Variants in MCAM observed in about 807,000 individuals in gnomAD.
MCAM encodes melanoma cell adhesion molecule.
In MCAM, 55 loss-of-function variants were observed where a neutral mutation model predicts 79.1. The ratio of observed to expected loss-of-function variants is 0.70; its 90% confidence interval spans 0.56 to 0.87. MCAM has a LOEUF of 0.87. Ranked by LOEUF, MCAM falls within the 40% of genes least tolerant of loss-of-function variation. The pLI is 0.00. For missense variants in MCAM, 745 were observed against 839.8 expected, an observed-to-expected ratio of 0.89 and a Z score of 1.40; for synonymous variants, 330 against 339.8, an observed-to-expected ratio of 0.97 and a Z score of 0.32.
chr11:119,314,017 G>T, intron 5 of MCAM: 2 of 982,328 alleles, frequency 2.0e-6, no homozygotes, highest in Non-Finnish European at 2.4e-6. Flanking sequence ...TTTCTGGGAG[G>T]GGGGGTCTCA....
Position 119,312,588 on chromosome 11 carries a change from C to G in MCAM, c.800G>C (p.Arg267Pro). 6.2e-7 allele frequency: 1 copy of G among 1,614,160 alleles called. No individual in the cohort carries two copies. Among genetic ancestry groups the G allele is most frequent in the Non-Finnish European group, 8.5e-7 (1 of 1,180,030 alleles). Residue 267 changes from arginine (R) to proline (P), a missense_variant, in exon 7 of 16, where the codon CGC (arginine) becomes CCC (proline). By Grantham distance (103) the Arg-to-Pro change is moderately radical. Transcript: ENST00000264036. The surrounding 1 kb of genome is among the most constrained non-coding windows in gnomAD (Gnocchi z 4.9). ...EPVGMLKEGD[R>P]VEIRCLADGN... ...ATCAGCCAAACACCTGATTTCCACG[C>G]GGTCCCCTTCCTTCAGCATTCCCAC...
At position 119,311,182 on chromosome 11, in the gene MCAM, T is replaced by C; in HGVS notation, c.1553A>G (p.Asn518Ser). 2.5e-6 allele frequency: 4 copies of C among 1,614,060 alleles called. No individual in the cohort carries two copies. The highest frequency in any genetic ancestry group is 3.4e-6 in the Non-Finnish European group (4 of 1,179,940). ...NTSILFLELV[N>S]LTTLTPDSNT... ...GGAGTCTGGTGTGAGGGTGGTTAAATTGACTAGGAGGCAGAGGGAGGGGTG... is the reference window on the plus strand; with the variant it reads ...GGAGTCTGGTGTGAGGGTGGTTAAACTGACTAGGAGGCAGAGGGAGGGGTG... The change falls in exon 13 of 16, where the codon AAT (asparagine) becomes AGT (serine). Residue 518 changes from asparagine to serine, a missense_variant. Coordinates refer to ENST00000264036, the MANE Select transcript of MCAM (RefSeq NM_006500.3). This position sits in a 1 kb window ranked among gnomAD's most constrained non-coding sequence, Gnocchi z 4.4.
At position 119,310,212 on chromosome 11, in the gene MCAM, G is replaced by A. The variant is rs1277561870; in HGVS notation, c.1911+137C>T. ...ACTTGCTTGGCCCTGCCATCTGTGAGTAGTGTTAAGAAGGCAAGATGGGGC... is the reference window on the plus strand; with the variant it reads ...ACTTGCTTGGCCCTGCCATCTGTGAATAGTGTTAAGAAGGCAAGATGGGGC... On this transcript the variant is annotated intron_variant, in intron 15 of 15. Coordinates refer to ENST00000264036, the MANE Select transcript of MCAM (RefSeq NM_006500.3). 9.9e-6 allele frequency: 7 copies of A among 704,920 alleles called. No individual in the cohort carries two copies. The Admixed American group carries it at 1.6e-4, about 16-fold the overall frequency. The allele number at this position is 704,920 out of a possible 1,614,324, so 43.7% of individuals were successfully genotyped here. A position where few individuals can be genotyped will look rare whatever the true frequency, so the allele number is the denominator to read the frequency against.
rs955181453 is a variant in MCAM, at chr11:119,311,720, C to G, written c.1286-69G>C. Reference sequence around the variant, plus strand: ...TGCCTCCCCCTCCGCACCAGAGCTCCCCAGGGCAGCAGGTGGCTTTTTGTC... The same window carrying G: ...TGCCTCCCCCTCCGCACCAGAGCTCGCCAGGGCAGCAGGTGGCTTTTTGTC... On this transcript the variant is annotated intron_variant, in intron 10 of 15. Transcript: ENST00000264036. This position sits in a 1 kb window ranked among gnomAD's most constrained non-coding sequence, Gnocchi z 4.4. 6.8e-6 allele frequency: 11 copies of G among 1,609,580 alleles called. No individual in the cohort carries two copies. Among genetic ancestry groups the G allele is most frequent in the Non-Finnish European group, 7.6e-6 (9 of 1,177,102 alleles).
At position 119,309,646 on chromosome 11, in the gene MCAM, T is replaced by C; in HGVS notation, c.*240A>G. 1.8e-6 allele frequency: 1 copy of C among 544,410 alleles called. No individual in the cohort carries two copies. Among genetic ancestry groups the C allele is most frequent in the Non-Finnish European group, 3.2e-6 (1 of 309,990 alleles). The allele number at this position is 544,410 out of a possible 1,614,324, so 33.7% of individuals were successfully genotyped here. On this transcript the variant is annotated 3_prime_UTR_variant, in exon 16 of 16. Coordinates refer to ENST00000264036, the MANE Select transcript of MCAM (RefSeq NM_006500.3). ...ACCCGCTCGGGAGACTGGGGCTCCT[T>C]GCTTGGGATGAGCTTCACTCAACGT...
chr11:119,309,913 T>C lies in MCAM; in HGVS notation c.1914A>G (p.Gly638=). Residue 638 remains glycine (G), a splice_region_variant and synonymous_variant, in exon 16 of 16, where the codon GGA becomes GGG. Transcript: ENST00000264036. ...AATGCCTCAGATCGATGTATTTCTC[T>C]CCCTAAAAGTGGGTAGAGGAGAAGA... ...SGDKRAPGDQ[G]EKYIDLRH is the part of the protein sequence containing the mutation. 1 of 1,601,040 alleles carries C rather than the reference T, an allele frequency of 6.2e-7. No homozygotes were observed. Among genetic ancestry groups the C allele is most frequent in the Non-Finnish European group, 8.5e-7 (1 of 1,173,724 alleles).
In MCAM at chr11:119,311,872, G is replaced by A. The variant is rs779956581; in HGVS notation, c.1221C>T (p.Cys407=). The A allele has an allele frequency of 2.0e-5, 33 of 1,613,992 alleles. No individual in the cohort carries two copies. The South Asian group carries it at 2.1e-4, about 10-fold the overall frequency. ...LKREAGGGYR[C]VASVPSIPGL... ...CGGGTATGCTGGGCACAGACGCCAC[G>A]CAGCGATAGCCGCCTCCTGCCTCCC... The change falls in exon 10 of 16, where the codon TGC becomes TGT. Residue 407 remains cysteine (C), a synonymous_variant. Coordinates refer to ENST00000264036, the MANE Select transcript of MCAM (RefSeq NM_006500.3). The surrounding 1 kb of genome is among the most constrained non-coding windows in gnomAD (Gnocchi z 4.4).
At chr11:119,314,276 C>T (rs994542982) in intron 5 of MCAM, 6 of 554,038 alleles carry the variant, frequency 1.1e-5, no homozygotes, top group African/African-American at 9.5e-5. Flanking sequence ...CTGCCTCAGC[C>T]TCCCAAGTAT....
In MCAM at chr11:119,314,547, G is replaced by T. The variant is rs753397409; in HGVS notation, c.501C>A (p.Tyr167Ter). The stretch of plus-strand genomic sequence containing the variant: ...TGTACCAGATGACTTGAGGAATGGG[G>T]TACCCGTTCCTCCCTACACAGGTAG... ...EVATCVGRNG[Y>*]PIPQVIWYKN... Residue 167 changes from tyrosine to a stop codon, truncating the protein, a stop_gained, in exon 5 of 16, where the codon TAC (tyrosine) becomes TAA (stop). Transcript: ENST00000264036. LOFTEE classifies it high-confidence loss of function. The T allele has an allele frequency of 1.2e-6, 2 of 1,613,776 alleles. No individual in the cohort carries two copies.
rs1162502493 is a variant in MCAM at position 119,315,072 on chromosome 11, G to A, written c.193-32C>T. ...GGAGGAGACACAGAGGAGGAGAAGGGTCCTGGGCTACAAGAGGGGCAGAGT... is the reference window on the plus strand; with the variant it reads ...GGAGGAGACACAGAGGAGGAGAAGGATCCTGGGCTACAAGAGGGGCAGAGT... On this transcript the variant is annotated intron_variant, in intron 2 of 15. Transcript: ENST00000264036. This position sits in a 1 kb window ranked among gnomAD's most constrained non-coding sequence, Gnocchi z 4.4. 6.2e-7 allele frequency: 1 copy of A among 1,610,302 alleles called. No homozygotes were observed.
At position 119,314,544 on chromosome 11, in the gene MCAM, G is replaced by T. The variant is rs1286907611; in HGVS notation, c.504C>A (p.Pro168=). The change falls in exon 5 of 16, where the codon CCC becomes CCA. Residue 168 remains proline, a synonymous_variant. Coordinates refer to ENST00000264036, the MANE Select transcript of MCAM (RefSeq NM_006500.3). ...TCTTGTACCAGATGACTTGAGGAAT[G>T]GGGTACCCGTTCCTCCCTACACAGG... is the stretch of plus-strand genomic sequence containing the variant. ...VATCVGRNGY[P]IPQVIWYKNG... 6.8e-6 allele frequency: 11 copies of T among 1,613,740 alleles called. No individual in the cohort carries two copies. Among genetic ancestry groups the T allele is most frequent in the Non-Finnish European group, 9.3e-6 (11 of 1,179,970 alleles).
intron 14 of MCAM, 42 bp from the exon 15 acceptor site, chr11:119,310,508 C>T (rs191397378): frequency 3.2e-4 from 437 of 1,347,706 alleles, no homozygotes; most frequent in Admixed American, 5.9e-4. Flanking sequence ...ATCTCAGGGC[C>T]ACAGGAAGAG....
rs1486315837 is a variant in MCAM at position 119,317,112 on chromosome 11, C to T, written c.-11G>A. Reference sequence around the variant, plus strand: ...CCTGGGAAGCCCCATGCTTCCCGGCCGGAGGGCGAGAGCCAAGTGAGCAGC... The same window carrying T: ...CCTGGGAAGCCCCATGCTTCCCGGCTGGAGGGCGAGAGCCAAGTGAGCAGC... On this transcript the variant is annotated 5_prime_UTR_variant, in exon 1 of 16. Coordinates refer to ENST00000264036, the MANE Select transcript of MCAM (RefSeq NM_006500.3). The surrounding 1 kb of genome is among the most constrained non-coding windows in gnomAD (Gnocchi z 6.2). The T allele has an allele frequency of 2.0e-6, 3 of 1,518,684 alleles. No individual in the cohort carries two copies. Among genetic ancestry groups the T allele is most frequent in the Admixed American group, 2.0e-5 (1 of 49,880 alleles). 94.1% of individuals were successfully genotyped at this position (1,518,684 alleles called of 1,614,324 possible).
At chr11:119,313,813 T>G in intron 5 of MCAM, 1 of 333,300 alleles carries the variant, frequency 3.0e-6, no homozygotes, top group Non-Finnish European at 4.3e-6. Flanking sequence ...ACCCCCTCTA[T>G]GTGTGACAAC....
chr11:119,311,189 GGA>G lies in MCAM; in HGVS notation c.1550-6_1550-5del. The stretch of plus-strand genomic sequence containing the variant: ...GGTGTGAGGGTGGTTAAATTGACTA[GGA>G]GGCAGAGGGAGGGGTGTTAGGAGAA... On this transcript the variant is annotated splice_polypyrimidine_tract_variant and splice_region_variant and intron_variant, in intron 12 of 15. Transcript: ENST00000264036. This position sits in a 1 kb window ranked among gnomAD's most constrained non-coding sequence, Gnocchi z 4.4. 6.2e-7 allele frequency: 1 copy of G among 1,613,992 alleles called. No homozygotes were observed. The highest frequency in any genetic ancestry group is 8.5e-7 in the Non-Finnish European group (1 of 1,179,844).
Position 119,309,663 on chromosome 11 carries a change from A to G in MCAM, c.*223T>C, listed in dbSNP as rs937467768. On this transcript the variant is annotated 3_prime_UTR_variant, in exon 16 of 16. Coordinates refer to ENST00000264036, the MANE Select transcript of MCAM (RefSeq NM_006500.3). ...GGGCTCCTTGCTTGGGATGAGCTTC[A>G]CTCAACGTGGAGGAGATGGTGGTGG... is the stretch of plus-strand genomic sequence containing the variant. The G allele has an allele frequency of 2.5e-5, 12 of 476,294 alleles. No homozygotes were observed. Among genetic ancestry groups the G allele is most frequent in the Admixed American group, 9.7e-5 (2 of 20,606 alleles). 29.5% of individuals were successfully genotyped at this position (476,294 alleles called of 1,614,324 possible).
chr11:119,310,233 G>T, intron 15 of MCAM, 116 bp downstream of exon 15: 1 of 770,584 alleles, frequency 1.3e-6, no homozygotes, highest in South Asian at 1.5e-5. Context: ...AAGGCAAGAT[G>T]GGGCCTGCTC....
At position 119,312,795 on chromosome 11, in the gene MCAM, G is replaced by A. The variant is rs1218938712; in HGVS notation, c.714C>T (p.Ser238=). 6.2e-7 allele frequency: 1 copy of A among 1,614,164 alleles called. No homozygotes were observed. Among genetic ancestry groups the A allele is most frequent in the Admixed American group, 1.7e-5 (1 of 60,018 alleles). ...RLPSGNHMKE[S]REVTVPVFYP... is the part of the protein sequence containing the mutation. The stretch of plus-strand genomic sequence containing the variant: ...AGAAAACAGGGACGGTGACTTCCCT[G>A]GACTCCTTCATGTGGTTCCCACTGG... Residue 238 remains serine, a synonymous_variant, in exon 6 of 16, where the codon TCC becomes TCT. Coordinates refer to ENST00000264036, the MANE Select transcript of MCAM (RefSeq NM_006500.3). This position sits in a 1 kb window ranked among gnomAD's most constrained non-coding sequence, Gnocchi z 4.9.
Position 119,315,607 on chromosome 11 carries a change from G to A in MCAM, c.68-344C>T. On this transcript the variant is annotated intron_variant, in intron 1 of 15. Coordinates refer to ENST00000264036, the MANE Select transcript of MCAM (RefSeq NM_006500.3). The surrounding 1 kb of genome is among the most constrained non-coding windows in gnomAD (Gnocchi z 4.4). ...GCCCCCTCCTCTCCGGGTGAGCTCAGAGTGTGGGAATGCAAAGCATGTGCC... is the reference window on the plus strand; with the variant it reads ...GCCCCCTCCTCTCCGGGTGAGCTCAAAGTGTGGGAATGCAAAGCATGTGCC... 1 of 309,100 alleles carries A rather than the reference G, an allele frequency of 3.2e-6. No homozygotes were observed. Among genetic ancestry groups the A allele is most frequent in the Non-Finnish European group, 6.3e-6 (1 of 158,648 alleles). The allele number at this position is 309,100 out of a possible 1,614,324, so 19.1% of individuals were successfully genotyped here. A position where few individuals can be genotyped will look rare whatever the true frequency, so the allele number is the denominator to read the frequency against.
Sources: gnomAD v4.1 joint callset for allele counts on GRCh38, gnomAD v4.1.1 for gene constraint, Gnocchi (gnomAD v3.1) non-coding constraint, MANE v1.5 for transcripts, NCBI Gene and HGNC (gene_info 2026-07-23, HGNC 2026-07-21) for gene names.